MPPED2: variants seen among roughly 807,000 people sequenced by gnomAD.
The protein encoded by MPPED2 is metallophosphoesterase domain containing 2, also known as metallophosphoesterase MPPED2.
In MPPED2, 5 loss-of-function variants were observed where a neutral mutation model predicts 33.0. The ratio of observed to expected loss-of-function variants is 0.15; its 90% CI spans 0.08 to 0.32. MPPED2 has a LOEUF of 0.32. MPPED2 is among the 10% of genes least tolerant of loss of function. MPPED2 has a pLI of 1.00. For missense variants in MPPED2, 275 were observed against 372.1 expected (o/e 0.74, Z 2.15); for synonymous variants, 136 against 141.9 (o/e 0.96, Z 0.29).
In MPPED2 at chr11:30,414,734, A is replaced by G. The variant is rs565860019; in HGVS notation, c.653-393T>C. On this transcript the variant is annotated intron_variant, in intron 5 of 6. Transcript: ENST00000358117. ...ATCTTTCTTATAGCAGTTTACTTCT[A>G]AGATGATTCAAAGAAGGACTGAGAG... Among the ~76,000 whole-genome samples the G allele has an allele frequency of 4.6e-5, 7 of 152,260 alleles. No individual in the cohort carries two copies. In the South Asian group the frequency reaches 1.5e-3, roughly 32 times the overall value.
At chr11:30,519,884 T>C (rs1007275169) in intron 3 of MPPED2, among the ~76,000 whole-genome samples, 2 of 152,174 alleles carry the variant, frequency 1.3e-5, no homozygotes, top group Admixed American at 6.5e-5. Flanking sequence ...TGGTGGGCAC[T>C]GAGTCTCAAA....
chr11:30,419,225 T>A (rs1284890168), intron 4 of MPPED2, among the ~76,000 whole-genome samples: 4 of 152,234 alleles, frequency 2.6e-5, no homozygotes, highest in Non-Finnish European at 4.4e-5. Flanking sequence ...TATTATCATC[T>A]CTACTTTACA....
At chr11:30,485,790 C>A (rs1356842185) in intron 4 of MPPED2, among the ~76,000 whole-genome samples, 2 of 152,118 alleles carry the variant, frequency 1.3e-5, no homozygotes, top group African/African-American at 2.4e-5. Context: ...TCTACAAGCC[C>A]GACCAAGCCT....
intron 2 of MPPED2, among the ~76,000 whole-genome samples, chr11:30,536,509 A>G (rs538745): frequency 6.6e-6 from 1 of 152,078 alleles, no homozygotes; most frequent in East Asian, 1.9e-4. Context: ...GGGAAGCAAA[A>G]TTATGCTATT....
chr11:30,546,966 TC>T (rs1955457070), intron 2 of MPPED2, among the ~76,000 whole-genome samples: 1 of 152,180 alleles, frequency 6.6e-6, no homozygotes, highest in South Asian at 2.1e-4. Flanking sequence ...CTCACATAGT[TC>T]CCACTCAACC....
chr11:30,558,096 C>T (rs937930346), intron 2 of MPPED2, among the ~76,000 whole-genome samples: 4 of 152,100 alleles, frequency 2.6e-5, no homozygotes, highest in Non-Finnish European at 5.9e-5. Flanking sequence ...ATTGGTATTG[C>T]AGGAATTGGT....
intron 4 of MPPED2, among the ~76,000 whole-genome samples, chr11:30,478,861 G>A (rs1412675290): frequency 1.3e-5 from 2 of 152,146 alleles, no homozygotes; most frequent in Non-Finnish European, 2.9e-5. Flanking sequence ...AACCATGCCT[G>A]TGTGTAGTGT....
intron 4 of MPPED2, among the ~76,000 whole-genome samples, chr11:30,484,432 C>G (rs1951630246): frequency 6.6e-6 from 1 of 152,038 alleles, no homozygotes; most frequent in Admixed American, 6.5e-5. Flanking sequence ...TTCCCATATC[C>G]TCTCCTGAAT....
intron 4 of MPPED2, among the ~76,000 whole-genome samples, chr11:30,469,272 T>C (rs914086367): frequency 6.6e-6 from 1 of 152,218 alleles, no homozygotes; most frequent in Non-Finnish European, 1.5e-5. Context: ...TCTTAAAATA[T>C]GGACTATCTT....
chr11:30,399,517 T>C (rs754897883), intron 6 of MPPED2, among the ~76,000 whole-genome samples: 6 of 152,232 alleles, frequency 3.9e-5, no homozygotes, highest in Non-Finnish European at 8.8e-5. Context: ...GAGTAGAACG[T>C]AATGTACTGT....
intron 6 of MPPED2, among the ~76,000 whole-genome samples, chr11:30,401,872 T>G (rs77677563): frequency 1.1e-5 from 1 of 93,292 alleles, no homozygotes; most frequent in South Asian, 3.5e-4. Context: ...TTTTTTTTTT[T>G]TCTTTTAGTA....
At chr11:30,417,971 C>T (rs1051969649) in intron 4 of MPPED2, among the ~76,000 whole-genome samples, 3 of 152,164 alleles carry the variant, frequency 2.0e-5, no homozygotes, top group Non-Finnish European at 4.4e-5. Context: ...AGCATTTCCA[C>T]CCTTCCTGTA....
chr11:30,534,687 T>C (rs765722993), intron 3 of MPPED2, among the ~76,000 whole-genome samples: 8 of 152,114 alleles, frequency 5.3e-5, no homozygotes, highest in Non-Finnish European at 1.2e-4. Context: ...GCAAAAACCA[T>C]AAAGAATTTC....
chr11:30,519,167 A>C (rs1158703078), intron 3 of MPPED2, among the ~76,000 whole-genome samples: 1 of 152,074 alleles, frequency 6.6e-6, no homozygotes, highest in Non-Finnish European at 1.5e-5. Flanking sequence ...TTATGGTCCC[A>C]GCTACTTGGG....
At chr11:30,472,198 A>C (rs914731362) in intron 4 of MPPED2, among the ~76,000 whole-genome samples, 1 of 152,064 alleles carries the variant, frequency 6.6e-6, no homozygotes, top group African/African-American at 2.4e-5. Context: ...CCATCTCTAC[A>C]AAAAACTAAA....
At chr11:30,504,467 G>C (rs958920636) in intron 3 of MPPED2, among the ~76,000 whole-genome samples, 1 of 152,158 alleles carries the variant, frequency 6.6e-6, no homozygotes, top group Admixed American at 6.6e-5. Context: ...CAGCCTGGAG[G>C]TGGGGAGGGG....
At chr11:30,472,927 G>T (rs1162692996) in intron 4 of MPPED2, among the ~76,000 whole-genome samples, 1 of 152,154 alleles carries the variant, frequency 6.6e-6, no homozygotes, top group Non-Finnish European at 1.5e-5. Context: ...AAATGTTGTA[G>T]AATAGAATCA....
chr11:30,571,936 C>T (rs180786711), intron 2 of MPPED2, among the ~76,000 whole-genome samples: 1 of 152,064 alleles, frequency 6.6e-6, no homozygotes, highest in Non-Finnish European at 1.5e-5. Context: ...ACCAAAATAT[C>T]CCCATGAAAG....
chr11:30,520,878 G>T (rs929772561), intron 3 of MPPED2, among the ~76,000 whole-genome samples: 7 of 152,130 alleles, frequency 4.6e-5, no homozygotes, highest in Admixed American at 2.6e-4. Flanking sequence ...GGAGCTATCT[G>T]CCATTCACCG....
Sources: allele counts gnomAD v4.1 joint callset (sites outside exome capture counted in the v4.1 genomes callset), GRCh38; gene constraint gnomAD v4.1.1; transcripts MANE v1.5; gene names NCBI Gene and HGNC (gene_info 2026-07-23, HGNC 2026-07-21).